Variants in C3orf33 observed in about 807,000 individuals in gnomAD.
The protein encoded by C3orf33 is mitochondrial inner membrane subdomain organizer 1, also known as AP-1 activity suppressor.
Under a neutral mutation model 28.7 loss-of-function variants are expected in C3orf33, and 23 were observed. That is an observed-to-expected ratio of 0.80 (90% CI 0.58 to 1.13). C3orf33 has a LOEUF of 1.13. Among genes scored for constraint, C3orf33 ranks in the 50% most tolerant of loss-of-function variants. The pLI, the probability that C3orf33 is intolerant of heterozygous loss-of-function variation, is 0.00. For missense variants in C3orf33, 327 were observed against 353.4 expected (o/e 0.93, Z 0.60); for synonymous variants, 119 against 120.5 (o/e 0.99, Z 0.08).
intron 2 of C3orf33, among the ~76,000 whole-genome samples, chr3:155,780,803 C>T (rs992775209): frequency 6.6e-6 from 1 of 152,184 alleles, no homozygotes; most frequent in Admixed American, 6.5e-5. Context: ...GGGAAAAACG[C>T]TTTCCTGACA....
intron 2 of C3orf33, among the ~76,000 whole-genome samples, chr3:155,792,667 T>C (rs983189733): frequency 6.6e-6 from 1 of 152,072 alleles, no homozygotes; most frequent in Non-Finnish European, 1.5e-5. Context: ...CCAGAAACTC[T>C]GGAGCTGAAA....
At chr3:155,786,004 C>T (rs899674547) in intron 2 of C3orf33, among the ~76,000 whole-genome samples, 1 of 149,494 alleles carries the variant, frequency 6.7e-6, no homozygotes, top group African/African-American at 2.5e-5. Flanking sequence ...AGTGCCACTG[C>T]ACTCCAGCCT....
intron 2 of C3orf33, among the ~76,000 whole-genome samples, chr3:155,783,280 G>A (rs184143923): frequency 1.7e-4 from 25 of 149,600 alleles, no homozygotes; most frequent in African/African-American, 4.7e-4. Context: ...TCAGCCTCCC[G>A]AGTAGCTGGG....
intron 2 of C3orf33, among the ~76,000 whole-genome samples, chr3:155,796,432 C>T (rs145287026): frequency 8.5e-4 from 129 of 152,140 alleles, no homozygotes; most frequent in African/African-American, 3.0e-3. Flanking sequence ...GTACAACCTA[C>T]CAATATTGTA....
intron 2 of C3orf33, among the ~76,000 whole-genome samples, chr3:155,784,342 G>C (rs1026430755): frequency 3.9e-5 from 6 of 152,196 alleles, no homozygotes; most frequent in Admixed American, 3.9e-4. Context: ...TTTTATTGAG[G>C]TTAAGTTGGT....
rs578105166 is a variant in C3orf33, at chr3:155,803,674, A to AGTTTG, written c.115-1088_115-1084dup. ...GGCGGGTGGATCACTTGAGGTCAGG[A>AGTTTG]GTTTGAGACCAGCCTGGCCAACATG... On this transcript the variant is annotated intron_variant, in intron 1 of 4. Transcript: ENST00000340171. Among the ~76,000 whole-genome samples, 48 of 151,066 alleles carry AGTTTG rather than the reference A, an allele frequency of 3.2e-4. No individual in the cohort carries two copies. In the East Asian group the frequency reaches 8.6e-3, roughly 27 times the overall value.
At chr3:155,795,825 G>A (rs1462093945) in intron 2 of C3orf33, among the ~76,000 whole-genome samples, 1 of 151,854 alleles carries the variant, frequency 6.6e-6, no homozygotes, top group Non-Finnish European at 1.5e-5. Context: ...ATGTGGTGGT[G>A]CATGCCTGTA....
At chr3:155,766,990 T>G (rs929171322) in intron 4 of C3orf33, among the ~76,000 whole-genome samples, 1 of 151,866 alleles carries the variant, frequency 6.6e-6, no homozygotes, top group African/African-American at 2.4e-5. Context: ...GCGCAGTGGC[T>G]CATGCCTGAA....
intron 3 of C3orf33, among the ~76,000 whole-genome samples, chr3:155,773,831 T>TAAAGGA (rs1750659474): frequency 6.6e-6 from 1 of 152,214 alleles, no homozygotes. Context: ...ACTGAGAAGC[T>TAAAGGA]AAAGGACCTG....
At chr3:155,793,316 C>G (rs1396359452) in intron 2 of C3orf33, among the ~76,000 whole-genome samples, 1 of 149,324 alleles carries the variant, frequency 6.7e-6, no homozygotes, top group African/African-American at 2.5e-5. Context: ...AGCTGAGGGA[C>G]TTCCTCAACA....
At chr3:155,784,157 C>T (rs1751029542) in intron 2 of C3orf33, among the ~76,000 whole-genome samples, 1 of 151,876 alleles carries the variant, frequency 6.6e-6, no homozygotes, top group African/African-American at 2.4e-5. Flanking sequence ...CAAGAACTCC[C>T]AACCTCAGGT....
chr3:155,774,152 T>G (rs1225439217), intron 3 of C3orf33, among the ~76,000 whole-genome samples: 9 of 152,358 alleles, frequency 5.9e-5, no homozygotes, highest in South Asian at 4.1e-4. Context: ...AAGTCTCTAT[T>G]GGCTAATAAG....
intron 2 of C3orf33, among the ~76,000 whole-genome samples, chr3:155,787,332 G>A (rs750468070): frequency 6.9e-6 from 1 of 145,528 alleles, no homozygotes; most frequent in Non-Finnish European, 1.5e-5. Flanking sequence ...CTGAGCAGCT[G>A]AGACCACAGG....
chr3:155,774,669 T>G (rs1391601376), intron 3 of C3orf33, among the ~76,000 whole-genome samples: 1 of 100,212 alleles, frequency 1.0e-5, no homozygotes, highest in African/African-American at 4.3e-5. Flanking sequence ...TGTTTTGCTT[T>G]TTTTTTTTTT....
At chr3:155,804,015 A>C in intron 1 of C3orf33, 1 of 237,854 alleles carries the variant, frequency 4.2e-6, no homozygotes, top group Non-Finnish European at 8.5e-6. Flanking sequence ...ATCTCTACTA[A>C]AAATACAAAA....
intron 2 of C3orf33, among the ~76,000 whole-genome samples, chr3:155,781,329 G>C (rs1042627820): frequency 6.6e-6 from 1 of 152,038 alleles, no homozygotes; most frequent in Non-Finnish European, 1.5e-5. Context: ...GTTACTTGGG[G>C]TTTCTCTTAC....
At chr3:155,794,531 T>A (rs1187347623) in intron 2 of C3orf33, among the ~76,000 whole-genome samples, 1 of 151,886 alleles carries the variant, frequency 6.6e-6, no homozygotes, top group African/African-American at 2.4e-5. Context: ...GAGTAAGTCA[T>A]TACTTATCAA....
chr3:155,764,666 C>T (rs1029902362), intron 4 of C3orf33, among the ~76,000 whole-genome samples: 24 of 151,594 alleles, frequency 1.6e-4, no homozygotes, highest in Non-Finnish European at 2.6e-4. Context: ...GCCTGGCCAA[C>T]ATGGTGAAAC....
intron 2 of C3orf33, among the ~76,000 whole-genome samples, chr3:155,801,241 G>A (rs932612003): frequency 8.0e-5 from 12 of 150,886 alleles, no homozygotes; most frequent in Admixed American, 6.6e-4. Flanking sequence ...AACCCAGGAG[G>A]TGGAAGTTAC....
Sources: gnomAD v4.1 joint callset for allele counts (sites outside exome capture counted in the v4.1 genomes callset) on GRCh38, gnomAD v4.1.1 for gene constraint, MANE v1.5 for transcripts, NCBI Gene and HGNC (gene_info 2026-07-23, HGNC 2026-07-21) for gene names.